GPM6A: variants seen among roughly 807,000 people sequenced by gnomAD.
The protein encoded by GPM6A is glycoprotein M6A.
In GPM6A, 7 loss-of-function variants were observed where a neutral mutation model predicts 32.1. That is an observed-to-expected ratio of 0.22 (90% CI 0.12 to 0.41). GPM6A has a LOEUF of 0.41. Among genes scored for constraint, GPM6A ranks in the 10% least tolerant of loss-of-function variants. The probability of loss-of-function intolerance (pLI) is 1.00; values close to 1 mark genes in which losing one functional copy is unlikely to be tolerated. For synonymous variants in GPM6A, 130 were observed against 123.4 expected (o/e 1.05, Z -0.35); for missense variants, 235 against 347.2 (o/e 0.68, Z 2.57).
At position 175,860,737 on chromosome 4, in the gene GPM6A, G is replaced by A. The variant is rs368701222; in HGVS notation, c.-22-48488C>T. Among the ~76,000 whole-genome samples, 25 of 152,202 alleles carry A rather than the reference G, an allele frequency of 1.6e-4. 1 individual carries two copies. The East Asian group carries it at 4.2e-3, about 26-fold the overall frequency. On this transcript the variant is annotated intron_variant, in intron 1 of 7. Coordinates refer to the GPM6A transcript ENST00000280187. The stretch of plus-strand genomic sequence containing the variant: ...CAGTAAAGATCACTCATCACTTCAT[G>A]GCCTCTTCCTCCCATGCAGTGCCTC...
chr4:175,638,009 GC>G (rs1740913429), intron 6 of GPM6A, among the ~76,000 whole-genome samples: 1 of 146,654 alleles, frequency 6.8e-6, no homozygotes, highest in Non-Finnish European at 1.5e-5. Context: ...GGGAACCCAA[GC>G]TGCAGGGCTT....
intron 1 of GPM6A, among the ~76,000 whole-genome samples, chr4:175,761,056 A>G (rs1661963433): frequency 6.6e-6 from 1 of 152,120 alleles, no homozygotes; most frequent in African/African-American, 2.4e-5. Flanking sequence ...TGAGGGAGAA[A>G]GTTATGTATC....
intron 4 of GPM6A, among the ~76,000 whole-genome samples, chr4:175,643,492 T>C (rs1391460352): frequency 1.3e-5 from 2 of 152,140 alleles, no homozygotes. Flanking sequence ...CCGGCTCTTC[T>C]CTCTGACAAG....
chr4:175,680,499 T>C (rs2111005135), intron 2 of GPM6A, among the ~76,000 whole-genome samples: 1 of 152,326 alleles, frequency 6.6e-6, no homozygotes, highest in East Asian at 1.9e-4. Context: ...ATATACTGTG[T>C]TTCTAAGTTA....
intron 1 of GPM6A, among the ~76,000 whole-genome samples, chr4:175,745,822 G>T (rs573575435): frequency 4.6e-5 from 7 of 152,156 alleles, no homozygotes; most frequent in African/African-American, 1.7e-4. Flanking sequence ...GCTGGAGAAG[G>T]AGATGGGGGT....
chr4:175,790,956 A>T (rs1733989463), intron 1 of GPM6A, among the ~76,000 whole-genome samples: 1 of 152,188 alleles, frequency 6.6e-6, no homozygotes, highest in Admixed American at 6.5e-5. Flanking sequence ...TATATTTACA[A>T]TTAAAGTTTG....
chr4:175,725,816 A>G (rs1746374224), intron 1 of GPM6A, among the ~76,000 whole-genome samples: 1 of 152,132 alleles, frequency 6.6e-6, no homozygotes, highest in Admixed American at 6.5e-5. Flanking sequence ...TTGCATTTTA[A>G]TAATTTACAT....
intron 2 of GPM6A, among the ~76,000 whole-genome samples, chr4:175,685,998 T>A (rs1422022376): frequency 6.6e-6 from 1 of 152,152 alleles, no homozygotes; most frequent in Admixed American, 6.5e-5. Context: ...TTTCTTTTTG[T>A]CTCGTCCACA....
intron 1 of GPM6A, among the ~76,000 whole-genome samples, chr4:175,741,637 C>T (rs960097366): frequency 6.6e-6 from 1 of 152,076 alleles, no homozygotes; most frequent in Non-Finnish European, 1.5e-5. Context: ...TATCAACAAA[C>T]ATCACACTCA....
intron 1 of GPM6A, among the ~76,000 whole-genome samples, chr4:175,718,310 C>T (rs954784040): frequency 6.6e-6 from 1 of 152,056 alleles, no homozygotes; most frequent in Non-Finnish European, 1.5e-5. Context: ...GTAAACTAAT[C>T]TAGAAAAAGA....
At chr4:175,728,440 C>T (rs1400585311) in intron 1 of GPM6A, among the ~76,000 whole-genome samples, 1 of 152,048 alleles carries the variant, frequency 6.6e-6, no homozygotes, top group Non-Finnish European at 1.5e-5. Flanking sequence ...GTTTTCCAAC[C>T]TTTGTGTTTA....
chr4:175,840,438 G>A (rs935268699), intron 1 of GPM6A, among the ~76,000 whole-genome samples: 7 of 152,220 alleles, frequency 4.6e-5, no homozygotes, highest in Admixed American at 3.3e-4. Flanking sequence ...AGCACTTTGG[G>A]AGACCGAGGC....
At chr4:175,917,550 T>A (rs1738532622) in intron 1 of GPM6A, among the ~76,000 whole-genome samples, 1 of 152,174 alleles carries the variant, frequency 6.6e-6, no homozygotes, top group South Asian at 2.1e-4. Flanking sequence ...GGATTATACA[T>A]CTGTCCATGT....
intron 1 of GPM6A, among the ~76,000 whole-genome samples, chr4:175,806,406 A>G (rs1264307322): frequency 6.6e-6 from 1 of 152,218 alleles, no homozygotes; most frequent in African/African-American, 2.4e-5. Flanking sequence ...AAGCACTTTC[A>G]TTTGAAAAGG....
At chr4:175,727,065 T>C (rs994103670) in intron 1 of GPM6A, among the ~76,000 whole-genome samples, 1 of 152,086 alleles carries the variant, frequency 6.6e-6, no homozygotes, top group Admixed American at 6.6e-5. Flanking sequence ...TAAATTTTAA[T>C]ACCCCAAAAG....
At chr4:175,928,170 T>A (rs546663109) in intron 1 of GPM6A, among the ~76,000 whole-genome samples, 6 of 152,228 alleles carry the variant, frequency 3.9e-5, no homozygotes, top group Non-Finnish European at 8.8e-5. Flanking sequence ...AGTGAGCATT[T>A]TTCTCTTTTA....
chr4:175,796,001 C>T (rs946967474), intron 1 of GPM6A: 1 of 152,182 alleles, frequency 6.6e-6, no homozygotes, highest in Non-Finnish European at 1.5e-5. Flanking sequence ...TAACTAACAG[C>T]TTAATTGCAA....
chr4:175,937,262 T>C (rs528074110), intron 1 of GPM6A, among the ~76,000 whole-genome samples: 16 of 152,290 alleles, frequency 1.1e-4, no homozygotes, highest in African/African-American at 3.4e-4. Context: ...TGTAGCATTC[T>C]TTGTAAATAG....
chr4:175,919,811 A>G (rs1738608422), intron 1 of GPM6A, among the ~76,000 whole-genome samples: 1 of 152,192 alleles, frequency 6.6e-6, no homozygotes, highest in South Asian at 2.1e-4. Flanking sequence ...TAGGGATCCA[A>G]TTCAGTCTGA....
Sources: allele counts gnomAD v4.1 joint callset (sites outside exome capture counted in the v4.1 genomes callset), GRCh38; gene constraint gnomAD v4.1.1; transcripts MANE v1.5; gene names NCBI Gene and HGNC (gene_info 2026-07-23, HGNC 2026-07-21).